Variants in ZNF66 observed in about 807,000 individuals in gnomAD.
ZNF66 encodes the protein zinc finger protein 66.
In ZNF66, 32 loss-of-function variants were observed where a neutral mutation model predicts 35.2. The observed-to-expected ratio is 0.91, with a 90% CI of 0.69 to 1.22. The LOEUF (loss-of-function observed/expected upper bound fraction) is 1.22, where lower values mean the gene tolerates loss of function less well. ZNF66 is among the 50% of genes most tolerant of loss of function. The pLI is 0.00. For missense variants in ZNF66, 666 were observed against 543.1 expected (o/e 1.23, Z -2.25); for synonymous variants, 231 against 181.3 (o/e 1.27, Z -2.20).
At chr19:20,786,286 C>T (rs1971286348) in intron 1 of ZNF66, among the ~76,000 whole-genome samples, 1 of 152,142 alleles carries the variant, frequency 6.6e-6, no homozygotes, top group African/African-American at 2.4e-5. Context: ...ACAATCACTT[C>T]TAGAGAGGCT....
Position 20,792,612 on chromosome 19 carries a change from A to G in ZNF66, c.104A>G (p.Glu35Gly), listed in dbSNP as rs777128837. Residue 35 changes from glutamate (E) to glycine (G), a missense_variant, in exon 2 of 4, where the codon GAG becomes GGG. Glu to Gly is a moderately conservative substitution (Grantham distance 98). Transcript: ENST00000344519. ...AATTTATATAGGGATGTGATGTTAG[A>G]GAACTACAGAAACCTGGTCTTTCTT... is the stretch of plus-strand genomic sequence containing the variant. ...QRNLYRDVML[E>G]NYRNLVFLGI... 2 of 1,462,308 alleles carry G rather than the reference A, an allele frequency of 1.4e-6. No individual in the cohort carries two copies. Among genetic ancestry groups the G allele is most frequent in the South Asian group, 2.3e-5 (2 of 85,334 alleles). The allele number at this position is 1,462,308 out of a possible 1,614,324, so 90.6% of individuals were successfully genotyped here.
rs762895876 is a variant in ZNF66 at position 20,806,929 on chromosome 19, TA to T, written c.1331del (p.Lys444ArgfsTer2). 3 of 1,201,430 alleles carry T rather than the reference TA, an allele frequency of 2.5e-6. No individual in the cohort carries two copies. In the East Asian group the frequency reaches 7.0e-5, roughly 28 times the overall value. The allele number at this position is 1,201,430 out of a possible 1,614,324, so 74.4% of individuals were successfully genotyped here. A position where few individuals can be genotyped will look rare whatever the true frequency, so the allele number is the denominator to read the frequency against. On this transcript the variant is annotated frameshift_variant, in exon 4 of 4. Coordinates refer to ENST00000344519, the MANE Select transcript of ZNF66 (RefSeq NM_001355197.2). LOFTEE classifies it high-confidence loss of function. The stretch of plus-strand genomic sequence containing the variant: ...GTCGGTCCTCTATTCTTACTACACA[TA>T]AGATAATTCACACTGGAGAGAAACC... Reference protein sequence around the residue: ...FSRSSILTTHKIIHTGEKPYE... With the variant: ...FSRSSILTTHXIIHTGEKPYE...
At chr19:20,777,517 C>G (rs1195601430) in intron 1 of ZNF66, among the ~76,000 whole-genome samples, 1 of 144,800 alleles carries the variant, frequency 6.9e-6, no homozygotes, top group East Asian at 2.1e-4. Context: ...GTCTAATTGC[C>G]TGCCACTTAA....
rs745957060 is a variant in ZNF66, at chr19:20,807,299, T to A, written c.1699T>A (p.Cys567Ser). Residue 567 changes from cysteine to serine, a missense_variant, in exon 4 of 4, where the codon TGT becomes AGT. Transcript: ENST00000344519. ...TCATATGGGAGGGAATCCCTACAAA[T>A]GTGAAAATGTGGCAAAGCCTTAGAC... Reference protein sequence around the residue: ...IIHMGGNPYKCENVAKP With the variant: ...IIHMGGNPYKSENVAKP The A allele has an allele frequency of 1.8e-5, 12 of 655,772 alleles. No homozygotes were observed. Among genetic ancestry groups the A allele is most frequent in the Non-Finnish European group, 3.3e-5 (12 of 364,408 alleles). The allele number at this position is 655,772 out of a possible 1,614,324, so 40.6% of individuals were successfully genotyped here. A position where few individuals can be genotyped will look rare whatever the true frequency, so the allele number is the denominator to read the frequency against.
intron 1 of ZNF66, chr19:20,784,668 C>A (rs191394498): frequency 1.0e-3 from 153 of 152,290 alleles, no homozygotes; most frequent in African/African-American, 3.6e-3. Context: ...GAAGATGAGA[C>A]AGCAGCAGAG....
chr19:20,792,570 T>C lies in ZNF66; in HGVS notation c.62T>C (p.Leu21Pro), dbSNP rs1971348377. 1 of 1,525,496 alleles carries C rather than the reference T, an allele frequency of 6.6e-7. No homozygotes were observed. The highest frequency in any genetic ancestry group is 9.1e-7 in the Non-Finnish European group (1 of 1,103,688). The allele number at this position is 1,525,496 out of a possible 1,614,324, so 94.5% of individuals were successfully genotyped here. A position where few individuals can be genotyped will look rare whatever the true frequency, so the allele number is the denominator to read the frequency against. Reference sequence around the variant, plus strand: ...TTCTCTCTGGAGGAGTGGCATTGCCTGGACATGGCACAGCGGAATTTATAT... The same window carrying C: ...TTCTCTCTGGAGGAGTGGCATTGCCCGGACATGGCACAGCGGAATTTATAT... Reference protein sequence around the residue: ...IEFSLEEWHCLDMAQRNLYRD... With the variant: ...IEFSLEEWHCPDMAQRNLYRD... Residue 21 changes from leucine to proline, a missense_variant, in exon 2 of 4, where the codon CTG becomes CCG. Transcript: ENST00000344519.
At chr19:20,801,793 C>CTT (rs35390689) in intron 3 of ZNF66, among the ~76,000 whole-genome samples, 18 of 151,414 alleles carry the variant, frequency 1.2e-4, no homozygotes, top group Non-Finnish European at 2.1e-4. Flanking sequence ...ACCCAGCTAG[C>CTT]TTTTTTTGTA....
intron 3 of ZNF66, among the ~76,000 whole-genome samples, chr19:20,805,513 CA>C (rs1199871090): frequency 2.0e-5 from 3 of 151,836 alleles, no homozygotes; most frequent in Non-Finnish European, 4.4e-5. Flanking sequence ...TTTAAAGGCA[CA>C]ATGTTATACT....
chr19:20,804,683 A>G lies in ZNF66; in HGVS notation c.227-1144A>G, dbSNP rs138083304. On this transcript the variant is annotated intron_variant, in intron 3 of 3. Coordinates refer to ENST00000344519, the MANE Select transcript of ZNF66 (RefSeq NM_001355197.2). ...ATCTTTGATTGAGCTTTGGACATTA[A>G]CAAAAAGCTACCTGTTAGAATCTTT... 1.7e-3 allele frequency among the ~76,000 whole-genome samples: 262 copies of G among 152,312 alleles called. 2 individuals are homozygous for G. The highest frequency in any genetic ancestry group is 5.8e-3 in the African/African-American group (243 of 41,576).
intron 1 of ZNF66, among the ~76,000 whole-genome samples, chr19:20,791,082 T>C (rs937481481): frequency 6.6e-6 from 1 of 152,202 alleles, no homozygotes; most frequent in Non-Finnish European, 1.5e-5. Context: ...ATGTGGATAC[T>C]CAAGATTTCT....
At chr19:20,804,050 GTGTT>G (rs971684342) in intron 3 of ZNF66, among the ~76,000 whole-genome samples, 44 of 151,604 alleles carry the variant, frequency 2.9e-4, no homozygotes, top group African/African-American at 1.0e-3. Flanking sequence ...CTTATTATGT[GTGTT>G]TGTTATAAAT....
chr19:20,800,595 A>G (rs555184066), intron 3 of ZNF66, among the ~76,000 whole-genome samples: 15 of 152,162 alleles, frequency 9.9e-5, no homozygotes, highest in Non-Finnish European at 1.9e-4. Flanking sequence ...GACTCTATCA[A>G]TTCAAATAAG....
chr19:20,789,673 TA>T (rs914204507), intron 1 of ZNF66, among the ~76,000 whole-genome samples: 1 of 151,998 alleles, frequency 6.6e-6, no homozygotes, highest in African/African-American at 2.4e-5. Flanking sequence ...CCTTATAATT[TA>T]AAAAAAATTG....
chr19:20,800,802 T>A (rs1183800827), intron 3 of ZNF66, among the ~76,000 whole-genome samples: 1 of 152,216 alleles, frequency 6.6e-6, no homozygotes, highest in Non-Finnish European at 1.5e-5. Flanking sequence ...CTTTATAAAT[T>A]ATGCACTCTC....
At chr19:20,796,691 T>A (rs142233914) in intron 3 of ZNF66, among the ~76,000 whole-genome samples, 33 of 152,336 alleles carry the variant, frequency 2.2e-4, no homozygotes, top group Non-Finnish European at 3.4e-4. Context: ...GTAACTAGTT[T>A]CCTTAAAATG....
chr19:20,781,364 T>C (rs1019850051), intron 1 of ZNF66, among the ~76,000 whole-genome samples: 1 of 152,236 alleles, frequency 6.6e-6, no homozygotes, highest in Admixed American at 6.5e-5. Context: ...AGGTATGTTT[T>C]CTGATCCTCT....
chr19:20,800,632 T>G (rs928259920), intron 3 of ZNF66, among the ~76,000 whole-genome samples: 6 of 152,266 alleles, frequency 3.9e-5, no homozygotes, highest in African/African-American at 1.4e-4. Flanking sequence ...GAACATGGCT[T>G]CTTCACCTCA....
intron 1 of ZNF66, among the ~76,000 whole-genome samples, chr19:20,787,218 A>G (rs1019493817): frequency 6.6e-6 from 1 of 152,196 alleles, no homozygotes; most frequent in African/African-American, 2.4e-5. Context: ...ATTGCTGCTA[A>G]TTAAAGTGTA....
In ZNF66 at chr19:20,806,526, G is replaced by T; in HGVS notation, c.926G>T (p.Gly309Val). ...TCTACACATAAGATAATTCATACTG[G>T]AGAGAAACCCTACAAATGTGAAGAA... The part of the protein sequence containing the change: ...SLSTHKIIHT[G>V]EKPYKCEECG... The change falls in exon 4 of 4, where the codon GGA becomes GTA. Residue 309 changes from glycine (G) to valine (V), a missense_variant. Gly to Val is a moderately radical substitution (Grantham distance 109, BLOSUM62 -3). Transcript: ENST00000344519. 6.5e-7 allele frequency: 1 copy of T among 1,534,248 alleles called. No homozygotes were observed. Among genetic ancestry groups the T allele is most frequent in the East Asian group, 2.3e-5 (1 of 44,436 alleles).
Sources: allele counts gnomAD v4.1 joint callset (sites outside exome capture counted in the v4.1 genomes callset), GRCh38; gene constraint gnomAD v4.1.1; transcripts MANE v1.5; gene names NCBI Gene and HGNC (gene_info 2026-07-23, HGNC 2026-07-21).